Variants in SPTB observed in about 807,000 individuals in gnomAD.
SPTB encodes spectrin beta, erythrocytic, also known as spectrin beta chain, erythrocytic.
Under a neutral mutation model 256.2 loss-of-function variants are expected in SPTB, and 45 were observed. The ratio of observed to expected loss-of-function variants is 0.18; its 90% CI spans 0.14 to 0.23. The LOEUF (loss-of-function observed/expected upper bound fraction) is 0.23. Ranked by LOEUF, SPTB falls within the 10% of genes least tolerant of loss-of-function variation. The probability of loss-of-function intolerance (pLI) is 1.00; values close to 1 mark genes in which losing one functional copy is unlikely to be tolerated. For synonymous variants in SPTB, 1,231 were observed against 1,243.1 expected (o/e 0.99, Z 0.21); for missense variants, 2,715 against 3,040.4 (o/e 0.89, Z 2.52).
In SPTB at chr14:64,782,431, G is replaced by A; in HGVS notation, c.4125C>T (p.Leu1375=). Residue 1375 remains leucine, a synonymous_variant, in exon 20 of 36, where the codon CTC becomes CTT. Transcript: ENST00000644917. Reference sequence around the variant, plus strand: ...GCAGGTCGGAGCTCCTGGCAGCCGAGAGGTGCTGGGTCTTCTCCTTTGTGG... The same window carrying A: ...GCAGGTCGGAGCTCCTGGCAGCCGAAAGGTGCTGGGTCTTCTCCTTTGTGG... The part of the protein sequence containing the change: ...QATTKEKTQH[L]SAARSSDLRL... 1.2e-6 allele frequency: 2 copies of A among 1,614,182 alleles called. No homozygotes were observed. The highest frequency in any genetic ancestry group is 4.5e-5 in the East Asian group (2 of 44,890).
Position 64,775,149 on chromosome 14 carries a change from G to T in SPTB, c.4818C>A (p.Tyr1606Ter), listed in dbSNP as rs4899145. 6.2e-7 allele frequency: 1 copy of T among 1,613,922 alleles called. No homozygotes were observed. Among genetic ancestry groups the T allele is most frequent in the Admixed American group, 1.7e-5 (1 of 60,030 alleles). ...CCTTGGGGATCTCATCGGAGATGAC[G>T]TAGAGCTCCTGCTCGCCAATCCAGG... ...AEAWIGEQEL[Y>*]VISDEIPKDE... Residue 1606 changes from tyrosine to a stop codon, truncating the protein, a stop_gained, in exon 23 of 36, where the codon TAC (tyrosine) becomes TAA (stop). Coordinates refer to ENST00000644917, the MANE Select transcript of SPTB (RefSeq NM_001355436.2). LOFTEE classifies it high-confidence loss of function. The surrounding 1 kb of genome is among the most constrained non-coding windows in gnomAD (Gnocchi z 5.0).
intron 2 of SPTB, among the ~76,000 whole-genome samples, chr14:64,810,225 G>A (rs1425605585): frequency 6.6e-6 from 1 of 152,168 alleles, no homozygotes; most frequent in African/African-American, 2.4e-5. Context: ...GCTGATACAG[G>A]TGGCATTTCT....
chr14:64,871,044 T>A (rs902670263), intron 1 of SPTB, among the ~76,000 whole-genome samples: 31 of 152,232 alleles, frequency 2.0e-4, no homozygotes, highest in African/African-American at 7.0e-4. Flanking sequence ...GCCACTGAAC[T>A]GTATGTACAC....
At position 64,787,045 on chromosome 14, in the gene SPTB, T is replaced by C; in HGVS notation, c.2920A>G (p.Thr974Ala). The C allele has an allele frequency of 1.2e-6, 2 of 1,614,022 alleles. No individual in the cohort carries two copies. The highest frequency in any genetic ancestry group is 1.7e-6 in the Non-Finnish European group (2 of 1,180,028). ...EETSKWITDK[T>A]KVVESTKDLG... ...TCTTTTGTGGACTCCACTACCTTTGTCTTGTCCGTGATCCACTTGCTGGTC... is the reference window on the plus strand; with the variant it reads ...TCTTTTGTGGACTCCACTACCTTTGCCTTGTCCGTGATCCACTTGCTGGTC... Residue 974 changes from threonine (T) to alanine (A), a missense_variant, in exon 16 of 36, where the codon ACA (threonine) becomes GCA (alanine). By Grantham distance (58) the Thr-to-Ala change is moderately conservative. Transcript: ENST00000644917.
rs759888913 is a variant in SPTB at position 64,753,604 on chromosome 14, C to A, written c.6535G>T (p.Val2179Leu). 6.2e-7 allele frequency: 1 copy of A among 1,613,718 alleles called. No individual in the cohort carries two copies. The highest frequency in any genetic ancestry group is 8.5e-7 in the Non-Finnish European group (1 of 1,180,042). ...LPAPRDHGQS[V>L]QMEGYLGRKH... is the part of the protein sequence containing the mutation. ...CGGCCCAGGTAGCCTTCCATCTGCA[C>A]ACTCTGCCCATGGTCCCGCGGGGCC... Residue 2179 changes from valine (V) to leucine (L), a missense_variant, in exon 33 of 36, where the codon GTG becomes TTG. Val to Leu is a conservative substitution (Grantham distance 32). This residue lies in a region of SPTB where 2,239 missense variants were observed against 2,384.4 expected (regional missense o/e 0.94). Transcript: ENST00000644917.
At chr14:64,773,519 GGCAGGGA>G in intron 24 of SPTB, 95 bp from the exon 25 acceptor site, 1 of 1,289,020 alleles carries the variant, frequency 7.8e-7, no homozygotes, top group Non-Finnish European at 1.1e-6. Context: ...ACAGCCCCCT[GGCAGGGA>G]TAGGTAGGGA....
chr14:64,768,030 A>T, intron 29 of SPTB, 171 bp from the exon 30 acceptor site: 1 of 698,798 alleles, frequency 1.4e-6, no homozygotes, highest in Non-Finnish European at 2.5e-6. Context: ...TGGGCCCCTA[A>T]CCGATCTTCA....
At position 64,827,446 on chromosome 14, in the gene SPTB, A is replaced by C. The variant is rs2083391985; in HGVS notation, c.-51-4301T>G. ...TCTAGCTGTAAGGTTTGACCCCCTCACCTGTTTTCTAGTTTGTCCTGCCCC... is the reference window on the plus strand; with the variant it reads ...TCTAGCTGTAAGGTTTGACCCCCTCCCCTGTTTTCTAGTTTGTCCTGCCCC... On this transcript the variant is annotated intron_variant, in intron 1 of 35. Coordinates refer to ENST00000644917, the MANE Select transcript of SPTB (RefSeq NM_001355436.2). This position sits in a 1 kb window ranked among gnomAD's most constrained non-coding sequence, Gnocchi z 4.6. Among the ~76,000 whole-genome samples, 1 of 152,024 alleles carries C rather than the reference A, an allele frequency of 6.6e-6. No individual in the cohort carries two copies. Among genetic ancestry groups the C allele is most frequent in the African/African-American group, 2.4e-5 (1 of 41,394 alleles).
chr14:64,874,511 A>G (rs747599220), intron 1 of SPTB, among the ~76,000 whole-genome samples: 1 of 152,064 alleles, frequency 6.6e-6, no homozygotes, highest in Non-Finnish European at 1.5e-5. Flanking sequence ...ATGACTTATG[A>G]CTCGAAGTCA....
At chr14:64,875,511 T>C (rs1343672269) in intron 1 of SPTB, among the ~76,000 whole-genome samples, 1 of 152,226 alleles carries the variant, frequency 6.6e-6, no homozygotes, top group Non-Finnish European at 1.5e-5. Flanking sequence ...CCTCAATCAC[T>C]ATCTCCATCT....
At chr14:64,774,263 G>A (rs8023246) in intron 24 of SPTB, 134 bp downstream of exon 24, 79,025 of 1,240,206 alleles carry the variant, frequency 0.064, 8,249 homozygotes, top group East Asian at 0.4. Context: ...CACCAGTCCC[G>A]CAGCAATTTT....
intron 2 of SPTB, among the ~76,000 whole-genome samples, chr14:64,814,554 C>T (rs948832615): frequency 1.3e-5 from 2 of 152,190 alleles, no homozygotes; most frequent in Non-Finnish European, 2.9e-5. Flanking sequence ...CTCCCACTGT[C>T]GCTCAGGCTG....
chr14:64,801,371 T>C lies in SPTB; in HGVS notation c.677A>G (p.Lys226Arg). 4 of 1,614,174 alleles carry C rather than the reference T, an allele frequency of 2.5e-6. No individual in the cohort carries two copies. The South Asian group carries it at 3.3e-5, about 13-fold the overall frequency. Residue 226 changes from lysine to arginine, a missense_variant, in exon 7 of 36, where the codon AAG (lysine) becomes AGG (arginine). This residue lies in a region of SPTB where 416 missense variants were observed against 571.1 expected (regional missense o/e 0.73). Coordinates refer to ENST00000644917, the MANE Select transcript of SPTB (RefSeq NM_001355436.2). ...CAGGTTGTGCCGGGCATTGGAGTCC[T>C]TCAGCTTATCAAAGTCGATCAGGTC... is the stretch of plus-strand genomic sequence containing the variant. ...RPDLIDFDKL[K>R]DSNARHNLEH... is the part of the protein sequence containing the mutation.
chr14:64,850,176 C>T (rs372190577), intron 1 of SPTB, among the ~76,000 whole-genome samples: 9 of 152,308 alleles, frequency 5.9e-5, no homozygotes, highest in African/African-American at 2.2e-4. Context: ...GTGAAGAGGA[C>T]AAGAAGGACT....
At position 64,760,143 on chromosome 14, in the gene SPTB, G is replaced by A. The variant is rs1426982849; in HGVS notation, c.6346-6350C>T. On this transcript the variant is annotated intron_variant, in intron 32 of 35. Transcript: ENST00000644917. This position sits in a 1 kb window ranked among gnomAD's most constrained non-coding sequence, Gnocchi z 4.3. The stretch of plus-strand genomic sequence containing the variant: ...ACAGGCTCCCAATGGGTGCGGGATG[G>A]CCATCTCTGGGTCTTTGCAGTCTTG... Among the ~76,000 whole-genome samples, 2 of 152,120 alleles carry A rather than the reference G, an allele frequency of 1.3e-5. No homozygotes were observed. The highest frequency in any genetic ancestry group is 2.4e-5 in the African/African-American group (1 of 41,418).
intron 1 of SPTB, among the ~76,000 whole-genome samples, chr14:64,863,210 AG>A (rs1479560335): frequency 1.3e-5 from 2 of 151,620 alleles, no homozygotes; most frequent in Non-Finnish European, 2.9e-5. Flanking sequence ...CCTGTAGACC[AG>A]GGGTGTCCAA....
Position 64,786,967 on chromosome 14 carries a change from G to T in SPTB, c.2998C>A (p.Leu1000Met). The part of the protein sequence containing the change: ...IIAIQRKLSG[L>M]ERDVAAIQAR... ...TGGATGGCGGCCACGTCACGCTCCA[G>T]CCCTGACAACTTCCTCTGGATGGCG... The change falls in exon 16 of 36, where the codon CTG (leucine) becomes ATG (methionine). Residue 1000 changes from leucine (L) to methionine (M), a missense_variant. Physicochemically the swap from Leu to Met is conservative, Grantham distance 15. This residue lies in a region of SPTB where 2,239 missense variants were observed against 2,384.4 expected (regional missense o/e 0.94). Transcript: ENST00000644917. This position sits in a 1 kb window ranked among gnomAD's most constrained non-coding sequence, Gnocchi z 5.6. 6.2e-7 allele frequency: 1 copy of T among 1,614,038 alleles called. No individual in the cohort carries two copies.
At chr14:64,789,908 C>A (rs529525803) in intron 15 of SPTB, among the ~76,000 whole-genome samples, 52 of 152,134 alleles carry the variant, frequency 3.4e-4, no homozygotes, top group Non-Finnish European at 5.6e-4. Context: ...AGGGAAAGAA[C>A]CGCAGAGGCA....
chr14:64,872,856 A>G (rs973686089), intron 1 of SPTB, among the ~76,000 whole-genome samples: 3 of 152,240 alleles, frequency 2.0e-5, no homozygotes, highest in African/African-American at 7.2e-5. Flanking sequence ...TCCCCTGAAC[A>G]TGCGCCTGCC....
Sources: allele counts gnomAD v4.1 joint callset (sites outside exome capture counted in the v4.1 genomes callset), GRCh38; gene constraint gnomAD v4.1.1; regional missense constraint gnomAD v4.1.1; non-coding constraint Gnocchi (gnomAD v3.1); transcripts MANE v1.5; gene names NCBI Gene and HGNC (gene_info 2026-07-23, HGNC 2026-07-21).